The following CNTNAP4 variants were observed in gnomAD, a reference collection of about 807,000 sequenced individuals.
CNTNAP4 encodes the protein contactin-associated protein-like 4.
A neutral mutation model predicts 148.4 loss-of-function variants in CNTNAP4; 98 were observed. That is an observed-to-expected ratio of 0.66 (90% CI 0.56 to 0.78). The LOEUF is 0.78. Ranked by LOEUF, CNTNAP4 falls within the 30% of genes least tolerant of loss-of-function variation. The probability of loss-of-function intolerance (pLI) is 0.00; values close to 1 mark genes in which losing one functional copy is unlikely to be tolerated. For missense variants in CNTNAP4, 1,935 were observed against 1,565.6 expected, an observed-to-expected ratio of 1.24 and a Z score of -3.98; for synonymous variants, 730 against 565.1, an observed-to-expected ratio of 1.29 and a Z score of -4.14.
chr16:76,400,047 G>A (rs1036150355), intron 3 of CNTNAP4, among the ~76,000 whole-genome samples: 1 of 152,134 alleles, frequency 6.6e-6, no homozygotes, highest in Non-Finnish European at 1.5e-5. Context: ...ATATCTTAGT[G>A]TATAGCAATG....
chr16:76,372,814 T>C (rs543979313), intron 3 of CNTNAP4, among the ~76,000 whole-genome samples: 13 of 152,170 alleles, frequency 8.5e-5, no homozygotes, highest in Non-Finnish European at 1.3e-4. Flanking sequence ...ACCTTTGACA[T>C]AAATAATTAC....
At chr16:76,409,189 G>T (rs2078706251) in intron 3 of CNTNAP4, among the ~76,000 whole-genome samples, 2 of 151,928 alleles carry the variant, frequency 1.3e-5, no homozygotes, top group East Asian at 1.9e-4. Context: ...GAATACTAAA[G>T]AATTCCCCCT....
chr16:76,406,992 G>A (rs2078620113), intron 3 of CNTNAP4, among the ~76,000 whole-genome samples: 1 of 152,156 alleles, frequency 6.6e-6, no homozygotes, highest in Non-Finnish European at 1.5e-5. Context: ...GCCTTCTATT[G>A]GAAGATGCCA....
chr16:76,392,523 A>G (rs997713517), intron 3 of CNTNAP4, among the ~76,000 whole-genome samples: 1 of 152,302 alleles, frequency 6.6e-6, no homozygotes, highest in African/African-American at 2.4e-5. Flanking sequence ...CAAGAAGACA[A>G]TGTAAGACTA....
At chr16:76,504,846 C>T (rs1048115251) in intron 15 of CNTNAP4, among the ~76,000 whole-genome samples, 41 of 152,154 alleles carry the variant, frequency 2.7e-4, no homozygotes, top group African/African-American at 9.9e-4. Context: ...TAAATAAACA[C>T]AGTAAAGATC....
chr16:76,396,815 G>A (rs1012803708), intron 3 of CNTNAP4, among the ~76,000 whole-genome samples: 2 of 152,140 alleles, frequency 1.3e-5, no homozygotes, highest in African/African-American at 4.8e-5. Flanking sequence ...TTCCCAATGT[G>A]CACATCAAAC....
At chr16:76,282,078 TG>T (rs1958710418) in intron 1 of CNTNAP4, among the ~76,000 whole-genome samples, 1 of 151,908 alleles carries the variant, frequency 6.6e-6, no homozygotes, top group African/African-American at 2.4e-5. Context: ...ACATGAAAAG[TG>T]TATAAATTAT....
At chr16:76,327,634 T>C (rs1963124002) in intron 2 of CNTNAP4, among the ~76,000 whole-genome samples, 1 of 152,224 alleles carries the variant, frequency 6.6e-6, no homozygotes, top group Non-Finnish European at 1.5e-5. Context: ...ATCATTTCCC[T>C]GTAGCTTCTT....
intron 1 of CNTNAP4, among the ~76,000 whole-genome samples, chr16:76,285,650 G>A (rs1034244075): frequency 2.6e-5 from 4 of 152,096 alleles, no homozygotes; most frequent in African/African-American, 9.7e-5. Flanking sequence ...AAAGCACCAT[G>A]TAAATATATA....
At chr16:76,331,125 A>ATT (rs71382632) in intron 2 of CNTNAP4, among the ~76,000 whole-genome samples, 70 of 147,238 alleles carry the variant, frequency 4.8e-4, no homozygotes, top group Admixed American at 7.4e-4. Flanking sequence ...GGTTTAGTTG[A>ATT]TTTTTTTTTT....
In CNTNAP4 at chr16:76,553,183, A is replaced by G. The variant is rs142180910; in HGVS notation, c.3443-100A>G. The G allele has an allele frequency of 4.3e-4, 261 of 613,210 alleles. No homozygotes were observed. In the Middle Eastern group the frequency reaches 8.1e-3, roughly 19 times the overall value. The allele number at this position is 613,210 out of a possible 1,614,324, so 38.0% of individuals were successfully genotyped here. ...GATAAAATTAAAAAGGAATTTAGTA[A>G]CTTTATTGCTATTGCATTAGCTCAG... On this transcript the variant is annotated intron_variant, in intron 21 of 23. Transcript: ENST00000611870.
intron 12 of CNTNAP4, among the ~76,000 whole-genome samples, chr16:76,482,044 A>T (rs2081852611): frequency 6.6e-6 from 1 of 151,792 alleles, no homozygotes; most frequent in Admixed American, 6.6e-5. Flanking sequence ...CTGTAGTTTT[A>T]AGAAACGGTG....
rs150759786 is a variant in CNTNAP4 at position 76,376,526 on chromosome 16, T to C, written c.390+21015T>C. 1.1e-3 allele frequency among the ~76,000 whole-genome samples: 161 copies of C among 152,352 alleles called. No individual in the cohort carries two copies. In the South Asian group the frequency reaches 0.022, roughly 21 times the overall value. On this transcript the variant is annotated intron_variant, in intron 3 of 23. Coordinates refer to ENST00000611870, the MANE Select transcript of CNTNAP4 (RefSeq NM_033401.5). ...ACCTTTCATATGCAAAGAGATCGTA[T>C]ATTTACTGAGAGCAAAGAGGGAGGT...
At chr16:76,431,627 C>T (rs555985577) in intron 4 of CNTNAP4, among the ~76,000 whole-genome samples, 45 of 152,054 alleles carry the variant, frequency 3.0e-4, no homozygotes, top group Non-Finnish European at 4.0e-4. Context: ...TGCAGTGAAC[C>T]GAAATCATCC....
chr16:76,538,402 G>A, intron 19 of CNTNAP4, 62 bp downstream of exon 19: 1 of 1,224,412 alleles, frequency 8.2e-7, no homozygotes, highest in East Asian at 2.4e-5. Flanking sequence ...GTAATAATAT[G>A]GATCATTCTC....
intron 2 of CNTNAP4, among the ~76,000 whole-genome samples, chr16:76,353,846 T>C (rs553100052): frequency 6.6e-6 from 1 of 152,304 alleles, no homozygotes; most frequent in African/African-American, 2.4e-5. Context: ...TGAAGTCTTA[T>C]AAAGTACTTG....
chr16:76,539,275 A>G (rs1024391920), intron 19 of CNTNAP4, among the ~76,000 whole-genome samples: 2 of 152,018 alleles, frequency 1.3e-5, no homozygotes, highest in African/African-American at 4.8e-5. Context: ...CTACTTGGAC[A>G]TATTTCTTCT....
chr16:76,532,423 A>C (rs1186261887), intron 17 of CNTNAP4, among the ~76,000 whole-genome samples: 1 of 152,164 alleles, frequency 6.6e-6, no homozygotes, highest in Non-Finnish European at 1.5e-5. Context: ...CTAAACAAAC[A>C]CAAAAAAATC....
At chr16:76,398,235 A>T (rs1011739800) in intron 3 of CNTNAP4, among the ~76,000 whole-genome samples, 1 of 150,396 alleles carries the variant, frequency 6.6e-6, no homozygotes, top group African/African-American at 2.4e-5. Flanking sequence ...GATGGTGCCC[A>T]CCCTGGTTGA....
Sources: gnomAD v4.1 joint callset for allele counts (sites outside exome capture counted in the v4.1 genomes callset) on GRCh38, gnomAD v4.1.1 for gene constraint, MANE v1.5 for transcripts, NCBI Gene and HGNC (gene_info 2026-07-23, HGNC 2026-07-21) for gene names.